Variants in COBL observed in about 807,000 individuals in gnomAD.
The protein encoded by COBL is protein cordon-bleu.
A neutral mutation model predicts 98.8 loss-of-function variants in COBL; 51 were observed. That is an observed-to-expected ratio of 0.52 (90% CI 0.41 to 0.65). The LOEUF (loss-of-function observed/expected upper bound fraction) is 0.65. Among genes scored for constraint, COBL ranks in the 30% least tolerant of loss-of-function variants. The pLI, the probability that COBL is intolerant of heterozygous loss-of-function variation, is 0.00. For missense variants in COBL, 1,617 were observed against 1,617.5 expected, an observed-to-expected ratio of 1.00 and a Z score of 0.01; for synonymous variants, 634 against 651.7, an observed-to-expected ratio of 0.97 and a Z score of 0.41.
intron 11 of COBL, among the ~76,000 whole-genome samples, chr7:51,026,087 G>T (rs1056533305): frequency 1.3e-5 from 2 of 152,222 alleles, no homozygotes; most frequent in Non-Finnish European, 2.9e-5. Flanking sequence ...CAATTTCTGT[G>T]CATGGAAACT....
intron 1 of COBL, among the ~76,000 whole-genome samples, chr7:51,290,805 C>T (rs1800826775): frequency 6.6e-6 from 1 of 152,196 alleles, no homozygotes; most frequent in African/African-American, 2.4e-5. Context: ...CTCCCCTCTC[C>T]ATGTGAACAC....
chr7:51,027,933 C>T lies in COBL; in HGVS notation c.3163G>A (p.Gly1055Arg). 1.9e-6 allele frequency: 3 copies of T among 1,613,402 alleles called. No individual in the cohort carries two copies. The highest frequency in any genetic ancestry group is 2.5e-6 in the Non-Finnish European group (3 of 1,179,564). Residue 1055 changes from glycine to arginine, a missense_variant, in exon 10 of 13, where the codon GGG (glycine) becomes AGG (arginine). Physicochemically the swap from Gly to Arg is moderately radical, Grantham distance 125 (BLOSUM62 -2). Around this residue, in one of 3 missense-constraint regions of COBL, gnomAD observed 1,304 missense variants for 1,282.0 expected, o/e 1.02. Coordinates refer to ENST00000265136, the MANE Select transcript of COBL (RefSeq NM_015198.5). Reference protein sequence around the residue: ...GHGEPSHPPGGSGTESHILLE... With the variant: ...GHGEPSHPPGRSGTESHILLE... ...AGAATGTGGCTTTCTGTGCCAGACC[C>T]TCCTGGAGGGTGGGAAGGCTCGCCG...
At chr7:51,249,596 C>T (rs146338452) in intron 1 of COBL, among the ~76,000 whole-genome samples, 8 of 152,282 alleles carry the variant, frequency 5.3e-5, no homozygotes, top group African/African-American at 9.6e-5. Flanking sequence ...CACATTTCTT[C>T]GTAATCACCT....
At chr7:51,055,474 C>T (rs1008148365) in intron 7 of COBL, among the ~76,000 whole-genome samples, 5 of 152,336 alleles carry the variant, frequency 3.3e-5, no homozygotes, top group Admixed American at 6.5e-5. Flanking sequence ...TTATCACAGG[C>T]GCTGGGCCTA....
chr7:51,092,920 T>C (rs1379665029), intron 6 of COBL, among the ~76,000 whole-genome samples: 3 of 133,194 alleles, frequency 2.3e-5, no homozygotes, highest in African/African-American at 5.8e-5. Flanking sequence ...ATGAAACATC[T>C]TTCCATTTTT....
rs534979893 is a variant in COBL at position 51,029,327 on chromosome 7, T to C, written c.1769A>G (p.His590Arg). ...AGGTACTTCCTCCCTTGCCTTTTCA[T>C]GGGGCTGGCTGTGCTCAGCTTGAAG... Reference protein sequence around the residue: ...APLQAEHSQPHEKAREEVPAL... With the variant: ...APLQAEHSQPREKAREEVPAL... Residue 590 changes from histidine to arginine, a missense_variant, in exon 10 of 13, where the codon CAT (histidine) becomes CGT (arginine). Around this residue, in one of 3 missense-constraint regions of COBL, gnomAD observed 1,304 missense variants for 1,282.0 expected, o/e 1.02. Coordinates refer to ENST00000265136, the MANE Select transcript of COBL (RefSeq NM_015198.5). The C allele has an allele frequency of 1.2e-6, 2 of 1,601,032 alleles. No homozygotes were observed. Among genetic ancestry groups the C allele is most frequent in the East Asian group, 4.5e-5 (2 of 44,732 alleles).
chr7:51,062,451 C>G (rs1791476421), intron 7 of COBL, among the ~76,000 whole-genome samples: 1 of 152,104 alleles, frequency 6.6e-6, no homozygotes. Flanking sequence ...CCATGGTGTC[C>G]CGGCGCTCGG....
intron 6 of COBL, among the ~76,000 whole-genome samples, chr7:51,113,847 T>TATATTC (rs1454151344): frequency 1.3e-5 from 2 of 152,228 alleles, no homozygotes; most frequent in African/African-American, 4.8e-5. Flanking sequence ...TTGTCTGTTT[T>TATATTC]ATATTCATTG....
At chr7:51,150,083 T>A (rs974313969) in intron 5 of COBL, among the ~76,000 whole-genome samples, 3 of 152,100 alleles carry the variant, frequency 2.0e-5, no homozygotes, top group Non-Finnish European at 4.4e-5. Flanking sequence ...AAGTCTCCCT[T>A]CCACAGAAAA....
At chr7:51,041,642 C>G (rs1789209983) in intron 8 of COBL, among the ~76,000 whole-genome samples, 1 of 151,882 alleles carries the variant, frequency 6.6e-6, no homozygotes, top group South Asian at 2.1e-4. Context: ...TGCCACCACA[C>G]CCAGCCAATT....
At chr7:51,176,013 A>G (rs942496734) in intron 5 of COBL, among the ~76,000 whole-genome samples, 2 of 152,126 alleles carry the variant, frequency 1.3e-5, no homozygotes, top group Non-Finnish European at 2.9e-5. Context: ...TGGACCTTGT[A>G]TACAGACGGT....
intron 1 of COBL, among the ~76,000 whole-genome samples, chr7:51,314,957 C>G (rs962568218): frequency 6.6e-6 from 1 of 152,194 alleles, no homozygotes; most frequent in African/African-American, 2.4e-5. Flanking sequence ...CCTTTCACTT[C>G]TATCATTAGA....
At chr7:51,249,125 T>C (rs1359415930) in intron 1 of COBL, among the ~76,000 whole-genome samples, 2 of 152,188 alleles carry the variant, frequency 1.3e-5, no homozygotes, top group African/African-American at 2.4e-5. Flanking sequence ...GAATCTCTTG[T>C]CTCTCAGAAC....
chr7:51,230,052 C>A (rs1794600623), intron 1 of COBL, among the ~76,000 whole-genome samples: 1 of 152,168 alleles, frequency 6.6e-6, no homozygotes, highest in Non-Finnish European at 1.5e-5. Flanking sequence ...CTGGCAGACC[C>A]CAGAGCTCTG....
intron 4 of COBL, among the ~76,000 whole-genome samples, chr7:51,189,929 T>C (rs536287841): frequency 1.2e-4 from 18 of 152,268 alleles, no homozygotes; most frequent in African/African-American, 4.3e-4. Flanking sequence ...AACATAACAG[T>C]CTCTGCACCA....
At chr7:51,179,225 TTTTG>T (rs1214818861) in intron 5 of COBL, among the ~76,000 whole-genome samples, 4 of 152,156 alleles carry the variant, frequency 2.6e-5, no homozygotes. Context: ...TAACTTTCTT[TTTTG>T]TTTGTTTGGT....
chr7:51,133,764 C>T (rs1203407239), intron 6 of COBL, among the ~76,000 whole-genome samples: 1 of 152,132 alleles, frequency 6.6e-6, no homozygotes, highest in Non-Finnish European at 1.5e-5. Context: ...TCTGGGAAAA[C>T]CTCTTCAAAA....
chr7:51,210,169 G>C (rs1792274762), intron 2 of COBL, among the ~76,000 whole-genome samples: 1 of 152,182 alleles, frequency 6.6e-6, no homozygotes, highest in South Asian at 2.1e-4. Flanking sequence ...GCCCCACCCT[G>C]TGAAGGCAGC....
rs1588256460 is a variant in COBL at position 51,027,710 on chromosome 7, A to C, written c.3384+2T>G. 1 of 1,608,254 alleles carries C rather than the reference A, an allele frequency of 6.2e-7. No individual in the cohort carries two copies. Among genetic ancestry groups the C allele is most frequent in the Non-Finnish European group, 8.5e-7 (1 of 1,176,358 alleles). On this transcript the variant is annotated splice_donor_variant, in intron 10 of 12. Transcript: ENST00000265136. LOFTEE classifies it high-confidence loss of function. ...GCCTGCCCCGGAAGCCGCCATCCTC[A>C]CCTTGCGTAGTCTGTCCTTCCCTCC...
Sources: gnomAD v4.1 joint callset for allele counts (sites outside exome capture counted in the v4.1 genomes callset) on GRCh38, gnomAD v4.1.1 for gene constraint, gnomAD v4.1.1 regional missense constraint, MANE v1.5 for transcripts, NCBI Gene and HGNC (gene_info 2026-07-23, HGNC 2026-07-21) for gene names.